ILRUN: variants seen among roughly 807,000 people sequenced by gnomAD.
ILRUN encodes protein ILRUN.
In ILRUN, 3 loss-of-function variants were observed where a neutral mutation model predicts 33.8. The observed-to-expected ratio is 0.09, with a 90% CI of 0.04 to 0.23. The LOEUF (loss-of-function observed/expected upper bound fraction) is 0.23. ILRUN is among the 10% of genes least tolerant of loss of function. ILRUN has a pLI of 1.00. For synonymous variants in ILRUN, 124 were observed against 138.9 expected, an observed-to-expected ratio of 0.89 and a Z score of 0.75; for missense variants, 210 against 375.1, an observed-to-expected ratio of 0.56 and a Z score of 3.64.
intron 1 of ILRUN, among the ~76,000 whole-genome samples, chr6:34,667,929 G>T (rs1185910769): frequency 2.0e-5 from 3 of 152,124 alleles, no homozygotes; most frequent in Non-Finnish European, 4.4e-5. Context: ...AGGTTGTAAA[G>T]GGCAATTCTG....
At chr6:34,691,274 C>T (rs1461947373) in intron 1 of ILRUN, among the ~76,000 whole-genome samples, 1 of 152,164 alleles carries the variant, frequency 6.6e-6, no homozygotes, top group African/African-American at 2.4e-5. Context: ...GAAAGACATT[C>T]CATCTATAGA....
intron 3 of ILRUN, among the ~76,000 whole-genome samples, chr6:34,642,692 T>C (rs777881508): frequency 6.6e-6 from 1 of 151,638 alleles, no homozygotes; most frequent in Non-Finnish European, 1.5e-5. Context: ...CTAAGAATAA[T>C]AACAGTGTTC....
chr6:34,653,377 C>A (rs1255453214), intron 2 of ILRUN, among the ~76,000 whole-genome samples: 1 of 151,836 alleles, frequency 6.6e-6, no homozygotes, highest in Non-Finnish European at 1.5e-5. Context: ...ATTAAAGGTG[C>A]CCAACACCAT....
intron 1 of ILRUN, among the ~76,000 whole-genome samples, chr6:34,670,944 G>C (rs1466607189): frequency 2.6e-5 from 4 of 151,250 alleles, no homozygotes; most frequent in Non-Finnish European, 5.9e-5. Flanking sequence ...AGAGGTAAAA[G>C]ACACAGCACA....
chr6:34,683,596 G>C (rs1452216877), intron 1 of ILRUN, among the ~76,000 whole-genome samples: 1 of 149,992 alleles, frequency 6.7e-6, no homozygotes, highest in African/African-American at 2.5e-5. Flanking sequence ...AGAAAGGTCT[G>C]AAGAAATTGT....
chr6:34,655,224 A>C (rs1253387581), intron 1 of ILRUN, among the ~76,000 whole-genome samples: 1 of 152,128 alleles, frequency 6.6e-6, no homozygotes, highest in Non-Finnish European at 1.5e-5. Context: ...CGATCCATCC[A>C]TCTCAGCCTC....
chr6:34,645,561 A>G (rs1253004129), intron 3 of ILRUN, among the ~76,000 whole-genome samples: 1 of 152,040 alleles, frequency 6.6e-6, no homozygotes, highest in Non-Finnish European at 1.5e-5. Context: ...TTGTAGAGAC[A>G]GGGTCTCTCT....
chr6:34,623,251 A>G lies in ILRUN; in HGVS notation c.512-16347T>C, dbSNP rs990889656. Among the ~76,000 whole-genome samples, 5 of 152,240 alleles carry G rather than the reference A, an allele frequency of 3.3e-5. No homozygotes were observed. The East Asian group carries it at 9.6e-4, about 29-fold the overall frequency. ...TGTATGTGTTATTTTACCACAATTA[A>G]TCAAAACAAAAACAAAAACATCAGA... On this transcript the variant is annotated intron_variant, in intron 3 of 4. Coordinates refer to ENST00000374023, the MANE Select transcript of ILRUN (RefSeq NM_024294.4).
At chr6:34,617,712 C>T (rs1562004400) in intron 3 of ILRUN, among the ~76,000 whole-genome samples, 1 of 152,200 alleles carries the variant, frequency 6.6e-6, no homozygotes, top group Non-Finnish European at 1.5e-5. Flanking sequence ...CATCCCTACC[C>T]ATTCTCACTC....
At chr6:34,666,397 C>A (rs533778600) in intron 1 of ILRUN, among the ~76,000 whole-genome samples, 2 of 152,190 alleles carry the variant, frequency 1.3e-5, no homozygotes, top group South Asian at 4.1e-4. Context: ...CCCATCTCTA[C>A]TTAAAAATAC....
intron 3 of ILRUN, among the ~76,000 whole-genome samples, chr6:34,608,921 T>C (rs888448806): frequency 1.1e-4 from 17 of 152,220 alleles, no homozygotes; most frequent in African/African-American, 3.9e-4. Context: ...CGTACATTCC[T>C]GTTGGAAGGT....
intron 3 of ILRUN, among the ~76,000 whole-genome samples, chr6:34,614,651 T>TCC (rs1471721557): frequency 1.3e-5 from 2 of 151,422 alleles, no homozygotes; most frequent in Admixed American, 6.6e-5. Flanking sequence ...CATCTCCCAT[T>TCC]CCCTCCTTGA....
chr6:34,614,491 A>AT (rs1295208346), intron 3 of ILRUN, among the ~76,000 whole-genome samples: 13 of 139,734 alleles, frequency 9.3e-5, no homozygotes, highest in Admixed American at 2.1e-4. Flanking sequence ...ATATTATTAT[A>AT]TATATTATAT....
At chr6:34,670,270 G>A (rs1763089771) in intron 1 of ILRUN, among the ~76,000 whole-genome samples, 1 of 151,952 alleles carries the variant, frequency 6.6e-6, no homozygotes, top group African/African-American at 2.4e-5. Context: ...CTGGGGGGTG[G>A]GTATGGATTA....
At chr6:34,629,524 T>C (rs949952002) in intron 3 of ILRUN, among the ~76,000 whole-genome samples, 2 of 152,172 alleles carry the variant, frequency 1.3e-5, no homozygotes, top group Non-Finnish European at 2.9e-5. Context: ...TGAGGAGAAA[T>C]CATATGTAAT....
chr6:34,658,490 C>CTTTTTTT (rs71538252), intron 1 of ILRUN, among the ~76,000 whole-genome samples: 14 of 130,838 alleles, frequency 1.1e-4, no homozygotes, highest in African/African-American at 2.3e-4. Flanking sequence ...TTTTCTTTTT[C>CTTTTTTT]TTTTTTTTTT....
At chr6:34,648,413 C>T (rs1489050386) in intron 2 of ILRUN, among the ~76,000 whole-genome samples, 1 of 152,074 alleles carries the variant, frequency 6.6e-6, no homozygotes, top group Non-Finnish European at 1.5e-5. Flanking sequence ...GAGATCTCAG[C>T]TCCATTATGA....
intron 3 of ILRUN, among the ~76,000 whole-genome samples, chr6:34,626,166 CA>C (rs983786191): frequency 5.9e-4 from 90 of 152,016 alleles, no homozygotes; most frequent in African/African-American, 2.0e-3. Flanking sequence ...CATTTTTTAA[CA>C]GATTCCTTTT....
chr6:34,670,665 A>G (rs1432801829), intron 1 of ILRUN, among the ~76,000 whole-genome samples: 1 of 151,694 alleles, frequency 6.6e-6, no homozygotes, highest in Admixed American at 6.6e-5. Context: ...AGCTTGGCCA[A>G]CATGGTGAAA....
Sources: gnomAD v4.1 joint callset for allele counts (sites outside exome capture counted in the v4.1 genomes callset) on GRCh38, gnomAD v4.1.1 for gene constraint, MANE v1.5 for transcripts, NCBI Gene and HGNC (gene_info 2026-07-23, HGNC 2026-07-21) for gene names.